GP9: variants seen among roughly 807,000 people sequenced by gnomAD.
GP9 encodes glycoprotein IX platelet.
For synonymous variants in GP9, 116 were observed against 116.7 expected (o/e 0.99, Z 0.04); for missense variants, 228 against 241.8 (o/e 0.94, Z 0.38).
At position 129,061,818 on chromosome 3, in the gene GP9, C is replaced by T. The variant is rs1394132097; in HGVS notation, c.79C>T (p.Arg27Cys). 3.7e-6 allele frequency: 6 copies of T among 1,612,714 alleles called. No homozygotes were observed. The highest frequency in any genetic ancestry group is 1.3e-5 in the African/African-American group (1 of 75,020). The change falls in exon 3 of 3, where the codon CGC (arginine) becomes TGC (cysteine). Residue 27 changes from arginine to cysteine, a missense_variant. Transcript: ENST00000307395. ...TKDCPSPCTC[R>C]ALETMGLWVD... ...GGACTGCCCCAGCCCATGTACCTGC[C>T]GCGCCCTGGAAACCATGGGGCTGTG... is the stretch of plus-strand genomic sequence containing the variant.
At position 129,062,143 on chromosome 3, in the gene GP9, G is replaced by A. The variant is rs769561588; in HGVS notation, c.404G>A (p.Cys135Tyr). ...GRLTGYQLGS[C>Y]GWQLQASWVR... Reference sequence around the variant, plus strand: ...CTGACAGGCTACCAGCTGGGCAGCTGTGGCTGGCAGCTGCAGGCGTCCTGG... The same window carrying A: ...CTGACAGGCTACCAGCTGGGCAGCTATGGCTGGCAGCTGCAGGCGTCCTGG... Residue 135 changes from cysteine to tyrosine, a missense_variant, in exon 3 of 3, where the codon TGT becomes TAT. By Grantham distance (194) the Cys-to-Tyr change is radical (BLOSUM62 -2). Coordinates refer to ENST00000307395, the MANE Select transcript of GP9 (RefSeq NM_000174.5). 5 of 1,588,170 alleles carry A rather than the reference G, an allele frequency of 3.1e-6. No homozygotes were observed. The highest frequency in any genetic ancestry group is 4.3e-6 in the Non-Finnish European group (5 of 1,170,352).
chr3:129,061,152 T>C (rs1372924664), intron 1 of GP9, among the ~76,000 whole-genome samples: 1 of 152,114 alleles, frequency 6.6e-6, no homozygotes, highest in African/African-American at 2.4e-5. Flanking sequence ...GCACATTGCT[T>C]TCCCTCTCTG....
Position 129,062,347 on chromosome 3 carries a change from C to G in GP9, c.*74C>G. The stretch of plus-strand genomic sequence containing the variant: ...GGCAGGTCCCCAGACTCCACCAAGC[C>G]TGGTCAGCCCAAACCACCAGAAGCC... On this transcript the variant is annotated 3_prime_UTR_variant, in exon 3 of 3. Coordinates refer to ENST00000307395, the MANE Select transcript of GP9 (RefSeq NM_000174.5). The G allele has an allele frequency of 4.8e-6, 5 of 1,050,078 alleles. No homozygotes were observed. The South Asian group carries it at 7.6e-5, about 16-fold the overall frequency. 65.0% of individuals were successfully genotyped at this position (1,050,078 alleles called of 1,614,324 possible).
chr3:129,059,957 T>C (rs1946557508), upstream of GP9, among the ~76,000 whole-genome samples: 1 of 152,230 alleles, frequency 6.6e-6, no homozygotes, highest in African/African-American at 2.4e-5. Context: ...TTTTACCCTG[T>C]TTTATTTATT....
At chr3:129,057,384 C>T (rs1946530651), upstream of GP9, among the ~76,000 whole-genome samples, 1 of 152,008 alleles carries the variant, frequency 6.6e-6, no homozygotes, top group Admixed American at 6.6e-5. Flanking sequence ...GGGGGAAGGG[C>T]ACTCCAGGCA....
chr3:129,061,891 C>A lies in GP9; in HGVS notation c.152C>A (p.Ala51Asp), dbSNP rs771512899. The A allele has an allele frequency of 1.1e-5, 18 of 1,613,374 alleles. No individual in the cohort carries two copies. The South Asian group carries it at 1.9e-4, about 17-fold the overall frequency. The change falls in exon 3 of 3, where the codon GCC (alanine) becomes GAC (aspartate). Residue 51 changes from alanine to aspartate, a missense_variant. Coordinates refer to ENST00000307395, the MANE Select transcript of GP9 (RefSeq NM_000174.5). ...CTCACGGCCCTGCCTGCCCTGCCGG[C>A]CCGCACCCGCCACCTTCTGCTGGCC... The part of the protein sequence containing the change: ...HGLTALPALP[A>D]RTRHLLLANN...
rs889822586 is a variant in GP9, at chr3:129,061,857, G to A, written c.118G>A (p.Gly40Ser). ...ETMGLWVDCR[G>S]HGLTALPALP... is the part of the protein sequence containing the mutation. ...CATGGGGCTGTGGGTGGACTGCAGG[G>A]GCCACGGACTCACGGCCCTGCCTGC... Residue 40 changes from glycine to serine, a missense_variant, in exon 3 of 3, where the codon GGC (glycine) becomes AGC (serine). By Grantham distance (56) the Gly-to-Ser change is moderately conservative (BLOSUM62 0). Transcript: ENST00000307395. 11 of 1,612,442 alleles carry A rather than the reference G, an allele frequency of 6.8e-6. No homozygotes were observed. In the Admixed American group the frequency reaches 1.2e-4, roughly 17 times the overall value.
At position 129,061,638 on chromosome 3, in the gene GP9, A is replaced by T; in HGVS notation, c.-13+19A>T. On this transcript the variant is annotated intron_variant, in intron 2 of 2. Coordinates refer to ENST00000307395, the MANE Select transcript of GP9 (RefSeq NM_000174.5). ...AAGGGAGGTGAGTGCACCCCGTCCCATGTCAGGCTCCGCTACATCCCCAGT... is the reference window on the plus strand; with the variant it reads ...AAGGGAGGTGAGTGCACCCCGTCCCTTGTCAGGCTCCGCTACATCCCCAGT... 1.0e-6 allele frequency: 1 copy of T among 987,062 alleles called. No individual in the cohort carries two copies. The highest frequency in any genetic ancestry group is 1.6e-6 in the Non-Finnish European group (1 of 644,524). 61.1% of individuals were successfully genotyped at this position (987,062 alleles called of 1,614,324 possible).
upstream of GP9, among the ~76,000 whole-genome samples, chr3:129,059,031 T>A (rs1028129538): frequency 1.3e-5 from 2 of 152,196 alleles, no homozygotes; most frequent in Admixed American, 1.3e-4. Flanking sequence ...TCCTGCATTA[T>A]CCTGTGCCTC....
chr3:129,056,673 A>C (rs1322275322), upstream of GP9, among the ~76,000 whole-genome samples: 1 of 152,182 alleles, frequency 6.6e-6, no homozygotes, highest in African/African-American at 2.4e-5. Flanking sequence ...GCCCATTTGC[A>C]AACAGATAAG....
chr3:129,059,690 G>A (rs764425963), upstream of GP9, among the ~76,000 whole-genome samples: 2 of 152,120 alleles, frequency 1.3e-5, no homozygotes, highest in Non-Finnish European at 2.9e-5. Context: ...CCCAAATCCT[G>A]CCCTACCCAA....
At position 129,062,257 on chromosome 3, in the gene GP9, C is replaced by T; in HGVS notation, c.518C>T (p.Thr173Ile). 2 of 1,552,684 alleles carry T rather than the reference C, an allele frequency of 1.3e-6. No homozygotes were observed. Among genetic ancestry groups the T allele is most frequent in the Non-Finnish European group, 1.7e-6 (2 of 1,149,640 alleles). ...CTGGCTGGCCTGCTGTGTGCCACCA[C>T]AGAGGCCCTGGATTGAGCCAGGCCC... ...ALLAGLLCAT[T>I]EALD is the part of the protein sequence containing the mutation. Residue 173 changes from threonine (T) to isoleucine (I), a missense_variant, in exon 3 of 3, where the codon ACA becomes ATA. Physicochemically the swap from Thr to Ile is moderately conservative, Grantham distance 89. Coordinates refer to ENST00000307395, the MANE Select transcript of GP9 (RefSeq NM_000174.5).
chr3:129,061,132 G>A (rs932838991), intron 1 of GP9, among the ~76,000 whole-genome samples: 2 of 152,170 alleles, frequency 1.3e-5, no homozygotes, highest in Non-Finnish European at 2.9e-5. Context: ...CACCACACCG[G>A]TGGCCCTGGG....
chr3:129,062,306 G>A lies in GP9; in HGVS notation c.*33G>A. 6.8e-7 allele frequency: 1 copy of A among 1,475,600 alleles called. No individual in the cohort carries two copies. The highest frequency in any genetic ancestry group is 9.2e-7 in the Non-Finnish European group (1 of 1,085,976). The allele number at this position is 1,475,600 out of a possible 1,614,324, so 91.4% of individuals were successfully genotyped here. On this transcript the variant is annotated 3_prime_UTR_variant, in exon 3 of 3. Coordinates refer to ENST00000307395, the MANE Select transcript of GP9 (RefSeq NM_000174.5). ...CCCCAGAACCCCTGGCTCCAGGCCA[G>A]GGGGCCAGTCCCTGAGGCAGGTCCC...
At chr3:129,057,075 G>A (rs907797040), upstream of GP9, among the ~76,000 whole-genome samples, 3 of 152,224 alleles carry the variant, frequency 2.0e-5, no homozygotes, top group Admixed American at 1.3e-4. Flanking sequence ...AGCCAGCAAG[G>A]CTGACAAGTA....
chr3:129,062,403 A>C lies in GP9; in HGVS notation c.*130A>C. ...TAAACTGGCAGCTCAGCTGTTTTAT[A>C]TAAGCTCAGAGATTTTTTTTTTTTC... On this transcript the variant is annotated 3_prime_UTR_variant, in exon 3 of 3. Coordinates refer to ENST00000307395, the MANE Select transcript of GP9 (RefSeq NM_000174.5). 3.1e-6 allele frequency: 2 copies of C among 641,536 alleles called. No homozygotes were observed. The highest frequency in any genetic ancestry group is 2.1e-5 in the South Asian group (1 of 47,404). The allele number at this position is 641,536 out of a possible 1,614,324, so 39.7% of individuals were successfully genotyped here.
chr3:129,057,372 C>A (rs1946530587), upstream of GP9, among the ~76,000 whole-genome samples: 2 of 152,014 alleles, frequency 1.3e-5, no homozygotes, highest in South Asian at 2.1e-4. Context: ...ATGTGGGGCT[C>A]TGGGGGAAGG....
rs1380051587 is a variant in GP9 at position 129,062,112 on chromosome 3, G to A, written c.373G>A (p.Gly125Ser). 6.3e-7 allele frequency: 1 copy of A among 1,599,364 alleles called. No individual in the cohort carries two copies. ...CAGCCTCGCTGCCCATGGCCCGCTG[G>A]GCCGGCTGACAGGCTACCAGCTGGG... ...SPSLAAHGPLGRLTGYQLGSC... is the reference protein window; with the variant it reads ...SPSLAAHGPLSRLTGYQLGSC... Residue 125 changes from glycine (G) to serine (S), a missense_variant, in exon 3 of 3, where the codon GGC becomes AGC. Physicochemically the swap from Gly to Ser is moderately conservative, Grantham distance 56. Coordinates refer to ENST00000307395, the MANE Select transcript of GP9 (RefSeq NM_000174.5).
rs28933377 is a variant in GP9, at chr3:129,061,906, T to C, written c.167T>C (p.Leu56Pro). Reference protein sequence around the residue: ...LPALPARTRHLLLANNSLQSV... With the variant: ...LPALPARTRHPLLANNSLQSV... Reference sequence around the variant, plus strand: ...GCCCTGCCGGCCCGCACCCGCCACCTTCTGCTGGCCAACAACAGCCTTCAG... The same window carrying C: ...GCCCTGCCGGCCCGCACCCGCCACCCTCTGCTGGCCAACAACAGCCTTCAG... Residue 56 changes from leucine to proline, a missense_variant, in exon 3 of 3, where the codon CTT becomes CCT. Transcript: ENST00000307395. The C allele has an allele frequency of 2.8e-5, 45 of 1,613,602 alleles. No individual in the cohort carries two copies. The highest frequency in any genetic ancestry group is 1.7e-6 in the Non-Finnish European group (2 of 1,179,872).
Sources: allele counts gnomAD v4.1 joint callset (sites outside exome capture counted in the v4.1 genomes callset), GRCh38; gene constraint gnomAD v4.1.1; transcripts MANE v1.5; gene names NCBI Gene and HGNC (gene_info 2026-07-23, HGNC 2026-07-21).